Variants in TLR3 observed in about 807,000 individuals in gnomAD.
The protein encoded by TLR3 is toll-like receptor 3.
Under a neutral mutation model 66.4 loss-of-function variants are expected in TLR3, and 43 were observed. The observed-to-expected ratio is 0.65, with a 90% CI of 0.51 to 0.83. The LOEUF (loss-of-function observed/expected upper bound fraction) is 0.83. Among genes scored for constraint, TLR3 ranks in the 40% least tolerant of loss-of-function variants. TLR3 has a pLI of 0.00. For synonymous variants in TLR3, 397 were observed against 397.2 expected, an observed-to-expected ratio of 1.00 and a Z score of 0.01; for missense variants, 982 against 1,044.6, an observed-to-expected ratio of 0.94 and a Z score of 0.83.
At chr4:186,075,510 G>T (rs1272844610) in intron 1 of TLR3, among the ~76,000 whole-genome samples, 1 of 152,028 alleles carries the variant, frequency 6.6e-6, no homozygotes, top group African/African-American at 2.4e-5. Context: ...CATGCCTGTA[G>T]TCCCAGCTAC....
chr4:186,070,898 G>T (rs1029501492), intron 1 of TLR3, among the ~76,000 whole-genome samples: 1 of 152,052 alleles, frequency 6.6e-6, no homozygotes, highest in African/African-American at 2.4e-5. Context: ...TAGATACGGG[G>T]TCTCACTATG....
chr4:186,076,884 A>G lies in TLR3; in HGVS notation c.265A>G (p.Lys89Glu). 1 of 1,614,190 alleles carries G rather than the reference A, an allele frequency of 6.2e-7. No homozygotes were observed. Among genetic ancestry groups the G allele is most frequent in the Non-Finnish European group, 8.5e-7 (1 of 1,180,042 alleles). Residue 89 changes from lysine to glutamate, a missense_variant, in exon 2 of 5, where the codon AAA (lysine) becomes GAA (glutamate). Physicochemically the swap from Lys to Glu is moderately conservative, Grantham distance 56. This residue lies in a region of TLR3 where 313 missense variants were observed against 319.0 expected (regional missense o/e 0.98). Coordinates refer to ENST00000296795, the MANE Select transcript of TLR3 (RefSeq NM_003265.3). ...GGATGTAGGATTTAACACCATCTCAAAACTGGAGCCAGAATTGTGCCAGAA... is the reference window on the plus strand; with the variant it reads ...GGATGTAGGATTTAACACCATCTCAGAACTGGAGCCAGAATTGTGCCAGAA... ...SLDVGFNTIS[K>E]LEPELCQKLP...
Position 186,085,854 on chromosome 4 carries a change from GTTTGTTTGTTTTTTA to G in TLR3, c.*995_*1009del, listed in dbSNP as rs2099304267. On this transcript the variant is annotated 3_prime_UTR_variant, in exon 5 of 5. Coordinates refer to ENST00000296795, the MANE Select transcript of TLR3 (RefSeq NM_003265.3). The stretch of plus-strand genomic sequence containing the variant: ...AGACTATTTTTATTTTTGTTTTTTT[GTTTGTTTGTTTTTTA>G]TTTGTTTGTTTTTGAGACAGAGTCT... 6.6e-6 allele frequency: 1 copy of G among 152,016 alleles called. No individual in the cohort carries two copies. The highest frequency in any genetic ancestry group is 1.5e-5 in the Non-Finnish European group (1 of 67,966). 9.4% of individuals were successfully genotyped at this position (152,016 alleles called of 1,614,324 possible). A position where few individuals can be genotyped will look rare whatever the true frequency, so the allele number is the denominator to read the frequency against.
intron 3 of TLR3, 103 bp downstream of exon 3, chr4:186,079,134 C>A (rs1266481772): frequency 1.9e-6 from 2 of 1,077,170 alleles, no homozygotes; most frequent in Non-Finnish European, 2.7e-6. Flanking sequence ...CTCTGCCTGT[C>A]TTCCAGCAAT....
intron 3 of TLR3, among the ~76,000 whole-genome samples, chr4:186,080,752 T>G (rs1295149680): frequency 6.6e-6 from 1 of 151,942 alleles, no homozygotes; most frequent in Non-Finnish European, 1.5e-5. Flanking sequence ...CCACCACCCC[T>G]GGCTAATTTT....
chr4:186,082,888 T>G lies in TLR3; in HGVS notation c.1202T>G (p.Phe401Cys). 1.2e-6 allele frequency: 2 copies of G among 1,613,850 alleles called. No individual in the cohort carries two copies. Among genetic ancestry groups the G allele is most frequent in the Non-Finnish European group, 1.7e-6 (2 of 1,179,832 alleles). The change falls in exon 4 of 5, where the codon TTT becomes TGT. Residue 401 changes from phenylalanine to cysteine, a missense_variant. This residue lies in a region of TLR3 where 666 missense variants were observed against 709.0 expected (regional missense o/e 0.94). Coordinates refer to ENST00000296795, the MANE Select transcript of TLR3 (RefSeq NM_003265.3). ...TTGCGAACTTTGACAAATGAAACAT[T>G]TGTATCACTTGCTCATTCTCCCTTA... ...TSLRTLTNET[F>C]VSLAHSPLHI... is the part of the protein sequence containing the mutation.
Position 186,083,914 on chromosome 4 carries a change from G to A in TLR3, c.2228G>A (p.Gly743Asp), listed in dbSNP as rs1280549921. 1.9e-6 allele frequency: 3 copies of A among 1,614,036 alleles called. No homozygotes were observed. The highest frequency in any genetic ancestry group is 4.5e-5 in the East Asian group (2 of 44,892). ...YWNVSVHRVL[G>D]FKEIDRQTEQ... ...AATGTTTCAGTACATCGAGTTCTTGGTTTCAAAGAAATAGACAGACAGACA... is the reference window on the plus strand; with the variant it reads ...AATGTTTCAGTACATCGAGTTCTTGATTTCAAAGAAATAGACAGACAGACA... Residue 743 changes from glycine (G) to aspartate (D), a missense_variant, in exon 4 of 5, where the codon GGT becomes GAT. Gly to Asp is a moderately conservative substitution (Grantham distance 94). Around this residue, in one of 3 missense-constraint regions of TLR3, gnomAD observed 666 missense variants for 709.0 expected, o/e 0.94. Transcript: ENST00000296795. The surrounding 1 kb of genome is among the most constrained non-coding windows in gnomAD (Gnocchi z 4.0).
rs748736365 is a variant in TLR3 at position 186,082,480 on chromosome 4, A to T, written c.794A>T (p.Asn265Ile). The change falls in exon 4 of 5, where the codon AAT becomes ATT. Residue 265 changes from asparagine to isoleucine, a missense_variant. Around this residue, in one of 3 missense-constraint regions of TLR3, gnomAD observed 313 missense variants for 319.0 expected, o/e 0.98. Transcript: ENST00000296795. ...AACAGCCAGCTGTCCACCACCAGCA[A>T]TACAACTTTCTTGGGACTAAAGTGG... Reference protein sequence around the residue: ...LSNSQLSTTSNTTFLGLKWTN... With the variant: ...LSNSQLSTTSITTFLGLKWTN... 8 of 1,614,194 alleles carry T rather than the reference A, an allele frequency of 5.0e-6. 1 individual carries two copies. In the South Asian group the frequency reaches 7.7e-5, roughly 16 times the overall value.
In TLR3 at chr4:186,082,332, T is replaced by C; in HGVS notation, c.646T>C (p.Cys216Arg). 1 of 1,610,018 alleles carries C rather than the reference T, an allele frequency of 6.2e-7. No individual in the cohort carries two copies. Among genetic ancestry groups the C allele is most frequent in the African/African-American group, 1.3e-5 (1 of 74,166 alleles). The change falls in exon 4 of 5, where the codon TGT becomes CGT. Residue 216 changes from cysteine (C) to arginine (R), a missense_variant. By Grantham distance (180) the Cys-to-Arg change is radical. Transcript: ENST00000296795. ...TTCCTACCTTTAGTTTTCTCCAGGG[T>C]GTTTTCACGCAATTGGAAGATTATT... ...SNQIKEFSPG[C>R]FHAIGRLFGL...
At chr4:186,072,273 G>A (rs1157264691) in intron 1 of TLR3, among the ~76,000 whole-genome samples, 1 of 152,206 alleles carries the variant, frequency 6.6e-6, no homozygotes, top group African/African-American at 2.4e-5. Flanking sequence ...AGGAAGAAGA[G>A]AGAAGGGGAA....
chr4:186,071,189 G>A (rs557386439), intron 1 of TLR3, among the ~76,000 whole-genome samples: 1 of 152,300 alleles, frequency 6.6e-6, no homozygotes, highest in South Asian at 2.1e-4. Context: ...GTCTCTCCAA[G>A]TTTGTTCCTC....
rs930142248 is a variant in TLR3, at chr4:186,087,633, A to G, written c.*2760A>G. ...GTTGTACCTAAAAATGATAACTTTT[A>G]GACTGTAATCAGAGGTAGATGCTAT... On this transcript the variant is annotated 3_prime_UTR_variant, in exon 5 of 5. Coordinates refer to ENST00000296795, the MANE Select transcript of TLR3 (RefSeq NM_003265.3). 3 of 152,246 alleles carry G rather than the reference A, an allele frequency of 2.0e-5. No homozygotes were observed. The highest frequency in any genetic ancestry group is 7.2e-5 in the African/African-American group (3 of 41,458). The allele number at this position is 152,246 out of a possible 1,614,324, so 9.4% of individuals were successfully genotyped here. A position where few individuals can be genotyped will look rare whatever the true frequency, so the allele number is the denominator to read the frequency against.
rs1283113945 is a variant in TLR3, at chr4:186,076,671, G to A, written c.52G>A (p.Gly18Arg). 6.2e-7 allele frequency: 1 copy of A among 1,614,102 alleles called. No homozygotes were observed. The highest frequency in any genetic ancestry group is 2.2e-5 in the East Asian group (1 of 44,872). The stretch of plus-strand genomic sequence containing the variant: ...CTTTTGGGGGGGCCTTTTGCCCTTT[G>A]GGATGCTGTGTGCATCCTCCACCAC... ...IYFWGGLLPF[G>R]MLCASSTTKC... Residue 18 changes from glycine to arginine, a missense_variant, in exon 2 of 5, where the codon GGG (glycine) becomes AGG (arginine). Gly to Arg is a moderately radical substitution (Grantham distance 125). This residue lies in a region of TLR3 where 313 missense variants were observed against 319.0 expected (regional missense o/e 0.98). Coordinates refer to ENST00000296795, the MANE Select transcript of TLR3 (RefSeq NM_003265.3).
rs1430643735 is a variant in TLR3 at position 186,082,407 on chromosome 4, C to CTATG, written c.723_726dup (p.Leu243MetfsTer16). 3 of 1,613,828 alleles carry CTATG rather than the reference C, an allele frequency of 1.9e-6. No individual in the cohort carries two copies. On this transcript the variant is annotated frameshift_variant, in exon 4 of 5. Transcript: ENST00000296795. LOFTEE classifies it high-confidence loss of function. ...GCTGGGTCCCAGCCTTACAGAGAAG[C>CTATG]TATGTTTGGAATTAGCAAACACAAG... is the stretch of plus-strand genomic sequence containing the variant.
intron 3 of TLR3, 24 bp downstream of exon 3, chr4:186,079,055 T>C: frequency 6.3e-7 from 1 of 1,595,532 alleles, no homozygotes; most frequent in South Asian, 1.1e-5. Context: ...TAAAATTATT[T>C]TGCATTCTGC....
Position 186,077,593 on chromosome 4 carries a change from GT to G in TLR3, c.441+541del, listed in dbSNP as rs370340724. On this transcript the variant is annotated intron_variant, in intron 2 of 4. Transcript: ENST00000296795. The stretch of plus-strand genomic sequence containing the variant: ...TTTTCAAAACTTTGCTCGAATTTTA[GT>G]TTTTTTTCTTTTCTTTTTAGTTGAT... 3.8e-3 allele frequency among the ~76,000 whole-genome samples: 581 copies of G among 151,622 alleles called. 8 individuals are homozygous for G. The highest frequency in any genetic ancestry group is 0.013 in the African/African-American group (550 of 41,320).
chr4:186,070,025 T>C (rs1292020425), intron 1 of TLR3, among the ~76,000 whole-genome samples: 3 of 152,264 alleles, frequency 2.0e-5, no homozygotes, highest in Admixed American at 6.5e-5. Flanking sequence ...CCAGACCCCA[T>C]GTCCTAACCA....
intron 1 of TLR3, among the ~76,000 whole-genome samples, chr4:186,072,140 T>C (rs1218248208): frequency 6.6e-6 from 1 of 152,208 alleles, no homozygotes; most frequent in Non-Finnish European, 1.5e-5. Context: ...AGAGGTTCAA[T>C]TGGCTGATGG....
At chr4:186,070,245 G>C (rs1358409668) in intron 1 of TLR3, among the ~76,000 whole-genome samples, 1 of 152,052 alleles carries the variant, frequency 6.6e-6, no homozygotes, top group Non-Finnish European at 1.5e-5. Context: ...GCATGTCCTA[G>C]AATAACCTTT....
Sources: gnomAD v4.1 joint callset for allele counts (sites outside exome capture counted in the v4.1 genomes callset) on GRCh38, gnomAD v4.1.1 for gene constraint, gnomAD v4.1.1 regional missense constraint, Gnocchi (gnomAD v3.1) non-coding constraint, MANE v1.5 for transcripts, NCBI Gene and HGNC (gene_info 2026-07-23, HGNC 2026-07-21) for gene names.